THSD7A: variants seen among roughly 807,000 people sequenced by gnomAD.
THSD7A encodes thrombospondin type 1 domain containing 7A.
Under a neutral mutation model 231.3 loss-of-function variants are expected in THSD7A, and 96 were observed. That is an observed-to-expected ratio of 0.41 (90% CI 0.35 to 0.49). The LOEUF (loss-of-function observed/expected upper bound fraction) is 0.49, where lower values mean the gene tolerates loss of function less well. Ranked by LOEUF, THSD7A falls within the 20% of genes least tolerant of loss-of-function variation. The pLI is 0.05. For synonymous variants in THSD7A, 940 were observed against 743.3 expected (o/e 1.26, Z -4.30); for missense variants, 2,290 against 2,070.2 (o/e 1.11, Z -2.06).
At chr7:11,773,571 T>A (rs1783306273) in intron 1 of THSD7A, among the ~76,000 whole-genome samples, 1 of 151,990 alleles carries the variant, frequency 6.6e-6, no homozygotes, top group Non-Finnish European at 1.5e-5. Context: ...GGACAAACAT[T>A]AATAATTATG....
intron 11 of THSD7A, among the ~76,000 whole-genome samples, chr7:11,457,883 C>T (rs1785361881): frequency 6.6e-6 from 1 of 152,114 alleles, no homozygotes; most frequent in Non-Finnish European, 1.5e-5. Context: ...TTAAGTCTTT[C>T]CTCAGCTCTT....
At chr7:11,550,990 A>G (rs1789605761) in intron 4 of THSD7A, among the ~76,000 whole-genome samples, 1 of 152,160 alleles carries the variant, frequency 6.6e-6, no homozygotes, top group South Asian at 2.1e-4. Context: ...TACTGATTCA[A>G]AAACAGACAC....
intron 2 of THSD7A, among the ~76,000 whole-genome samples, chr7:11,596,249 A>G (rs368621684): frequency 2.0e-5 from 3 of 152,192 alleles, no homozygotes; most frequent in East Asian, 3.9e-4. Context: ...GCATTGGGAA[A>G]GGGAAATGAT....
chr7:11,784,882 A>G (rs1232549498), intron 1 of THSD7A, among the ~76,000 whole-genome samples: 3 of 152,120 alleles, frequency 2.0e-5, no homozygotes, highest in Non-Finnish European at 4.4e-5. Context: ...GCTTTTGCCA[A>G]GTACCCTAAG....
chr7:11,612,609 G>C (rs972608728), intron 2 of THSD7A, among the ~76,000 whole-genome samples: 4 of 152,134 alleles, frequency 2.6e-5, no homozygotes, highest in Admixed American at 2.0e-4. Context: ...TACTGAGAAA[G>C]TATCAGAAGC....
At chr7:11,471,463 C>T (rs1432772974) in intron 8 of THSD7A, among the ~76,000 whole-genome samples, 2 of 151,860 alleles carry the variant, frequency 1.3e-5, no homozygotes, top group Non-Finnish European at 2.9e-5. Flanking sequence ...TTTGCTGATA[C>T]TTCATTTTTG....
chr7:11,718,244 G>C (rs1383029856), intron 1 of THSD7A, among the ~76,000 whole-genome samples: 1 of 151,562 alleles, frequency 6.6e-6, no homozygotes, highest in Non-Finnish European at 1.5e-5. Context: ...GCGATCTGAG[G>C]ACATTTATTT....
At chr7:11,422,316 A>C (rs1179322351) in intron 16 of THSD7A, among the ~76,000 whole-genome samples, 1 of 152,112 alleles carries the variant, frequency 6.6e-6, no homozygotes, top group East Asian at 1.9e-4. Flanking sequence ...TAATTGAATA[A>C]ATTTAAACCT....
chr7:11,412,522 A>T, intron 18 of THSD7A, 134 bp downstream of exon 18: 1 of 1,038,752 alleles, frequency 9.6e-7, no homozygotes, highest in Non-Finnish European at 1.4e-6. Context: ...TTTAATATGT[A>T]ATTATTTCTG....
intron 1 of THSD7A, among the ~76,000 whole-genome samples, chr7:11,785,266 C>G (rs1333803794): frequency 2.0e-5 from 3 of 151,872 alleles, no homozygotes; most frequent in Non-Finnish European, 2.9e-5. Flanking sequence ...CTATATTGCC[C>G]AAGTTGGAGT....
At chr7:11,591,447 G>A (rs536793167) in intron 3 of THSD7A, among the ~76,000 whole-genome samples, 2 of 152,212 alleles carry the variant, frequency 1.3e-5, no homozygotes, top group South Asian at 2.1e-4. Context: ...CATGACTCAT[G>A]TAGCACTTTG....
chr7:11,618,813 G>T (rs1480864699), intron 2 of THSD7A, among the ~76,000 whole-genome samples: 4 of 151,516 alleles, frequency 2.6e-5, no homozygotes, highest in African/African-American at 4.8e-5. Flanking sequence ...AAAAAAGAAG[G>T]AGAAGAATAA....
In THSD7A at chr7:11,403,204, A is replaced by G. The variant is rs111825858; in HGVS notation, c.4238-1236T>C. Among the ~76,000 whole-genome samples, 442 of 152,292 alleles carry G rather than the reference A, an allele frequency of 2.9e-3. 3 individuals carry two copies. The highest frequency in any genetic ancestry group is 0.01 in the African/African-American group (419 of 41,580). ...TCATATGAATAATTCATATTGCCTT[A>G]TATTATGCTGAAGGTGACTGGTATT... On this transcript the variant is annotated intron_variant, in intron 22 of 27. Coordinates refer to ENST00000423059, the MANE Select transcript of THSD7A (RefSeq NM_015204.3).
In THSD7A at chr7:11,528,335, G is replaced by A. The variant is rs1479643655; in HGVS notation, c.1822+13084C>T. 3.9e-5 allele frequency among the ~76,000 whole-genome samples: 6 copies of A among 152,084 alleles called. No homozygotes were observed. The East Asian group carries it at 1.2e-3, about 29-fold the overall frequency. On this transcript the variant is annotated intron_variant, in intron 6 of 27. Transcript: ENST00000423059. Reference sequence around the variant, plus strand: ...GTCTCTTTTAATTATTTCTGTACAAGCTCTTGGATATATTCTCTCTGTTAG... The same window carrying A: ...GTCTCTTTTAATTATTTCTGTACAAACTCTTGGATATATTCTCTCTGTTAG...
intron 4 of THSD7A, among the ~76,000 whole-genome samples, chr7:11,574,900 C>G (rs1196112308): frequency 1.3e-5 from 2 of 152,168 alleles, no homozygotes; most frequent in African/African-American, 4.8e-5. Flanking sequence ...TAGCATAAAA[C>G]TGGCTTACAA....
chr7:11,641,340 G>A (rs1782073424), intron 1 of THSD7A, among the ~76,000 whole-genome samples: 2 of 152,038 alleles, frequency 1.3e-5, no homozygotes, highest in South Asian at 4.2e-4. Context: ...TGTTTAGAAA[G>A]GAGAGAAGTT....
At chr7:11,716,583 A>G (rs1781144653) in intron 1 of THSD7A, among the ~76,000 whole-genome samples, 1 of 151,402 alleles carries the variant, frequency 6.6e-6, no homozygotes, top group Admixed American at 6.6e-5. Context: ...TTTTCTCACT[A>G]AATTCTTCAG....
chr7:11,452,978 G>C (rs2128296079), intron 11 of THSD7A, among the ~76,000 whole-genome samples: 1 of 151,900 alleles, frequency 6.6e-6, no homozygotes, highest in East Asian at 1.9e-4. Context: ...CTTAAAGCAA[G>C]CTCCTTCTCT....
At chr7:11,445,433 T>A (rs938354589) in intron 13 of THSD7A, among the ~76,000 whole-genome samples, 2 of 152,068 alleles carry the variant, frequency 1.3e-5, no homozygotes, top group African/African-American at 4.8e-5. Flanking sequence ...GCTGCGTTTT[T>A]CCTTTCTTTT....
Sources: allele counts gnomAD v4.1 joint callset (sites outside exome capture counted in the v4.1 genomes callset), GRCh38; gene constraint gnomAD v4.1.1; transcripts MANE v1.5; gene names NCBI Gene and HGNC (gene_info 2026-07-23, HGNC 2026-07-21).